The following SH3KBP1 variants were observed in gnomAD, a reference collection of about 807,000 sequenced individuals.
SH3KBP1 encodes SH3 domain-containing kinase-binding protein 1.
In SH3KBP1, 8 loss-of-function variants were observed where a neutral mutation model predicts 50.1. The ratio of observed to expected loss-of-function variants is 0.16; its 90% CI spans 0.09 to 0.29. The LOEUF (loss-of-function observed/expected upper bound fraction) is 0.29, where lower values mean the gene tolerates loss of function less well. SH3KBP1 is among the 10% of genes least tolerant of loss of function. The pLI is 1.00. For synonymous variants in SH3KBP1, 227 were observed against 218.6 expected, an observed-to-expected ratio of 1.04 and a Z score of -0.34; for missense variants, 377 against 535.2, an observed-to-expected ratio of 0.70 and a Z score of 2.92.
Position 19,864,909 on chromosome X carries a change from C to T in SH3KBP1, c.4+22398G>A, listed in dbSNP as rs1472146192. Among the ~76,000 whole-genome samples, 29 of 112,126 alleles carry T rather than the reference C, an allele frequency of 2.6e-4. 2 individuals carry two copies. In the Admixed American group the frequency reaches 2.6e-3, roughly 10 times the overall value. On this transcript the variant is annotated intron_variant, in intron 1 of 17. Coordinates refer to ENST00000397821, the MANE Select transcript of SH3KBP1 (RefSeq NM_031892.3). Reference sequence around the variant, plus strand: ...TTTCAAGTCACTTCCCCCGGAAGGCCGGCACCATGCCCCTAGCACTTATGT... The same window carrying T: ...TTTCAAGTCACTTCCCCCGGAAGGCTGGCACCATGCCCCTAGCACTTATGT...
At chrX:19,768,368 G>T (rs1169816373) in intron 2 of SH3KBP1, among the ~76,000 whole-genome samples, 1 of 104,679 alleles carries the variant, frequency 9.6e-6, no homozygotes, top group Non-Finnish European at 2.0e-5. Flanking sequence ...CAAGTTAATC[G>T]GATCATTCTA....
chrX:19,616,664 T>G (rs753531815), intron 8 of SH3KBP1, among the ~76,000 whole-genome samples: 94 of 110,925 alleles, frequency 8.5e-4, no homozygotes, highest in Middle Eastern at 4.6e-3. Context: ...CCTGAAAGAG[T>G]GTTGAGTTCT....
chrX:19,713,323 T>C (rs1225558538), intron 3 of SH3KBP1, among the ~76,000 whole-genome samples: 1 of 110,219 alleles, frequency 9.1e-6, no homozygotes, highest in Non-Finnish European at 1.9e-5. Flanking sequence ...AGTACAGTGG[T>C]GTGATCTTGG....
chrX:19,865,975 T>C (rs983408602), intron 1 of SH3KBP1, among the ~76,000 whole-genome samples: 13 of 112,019 alleles, frequency 1.2e-4, no homozygotes, highest in Non-Finnish European at 2.3e-4. Context: ...TCTAAGCAAT[T>C]ACTCCCTAGG....
chrX:19,822,934 T>A (rs1438624194), intron 2 of SH3KBP1, among the ~76,000 whole-genome samples: 4 of 112,402 alleles, frequency 3.6e-5, no homozygotes, highest in Non-Finnish European at 5.6e-5. Flanking sequence ...CTGGGTGATA[T>A]TCTGTGTTAA....
At chrX:19,692,817 G>A (rs941359313) in intron 5 of SH3KBP1, among the ~76,000 whole-genome samples, 6 of 107,201 alleles carry the variant, frequency 5.6e-5, no homozygotes, top group Non-Finnish European at 1.2e-4. Flanking sequence ...TGTGTAGCTG[G>A]GATTACAGGT....
intron 14 of SH3KBP1, among the ~76,000 whole-genome samples, chrX:19,547,557 G>A (rs1226477743): frequency 1.8e-5 from 2 of 111,854 alleles, no homozygotes; most frequent in African/African-American, 6.5e-5. Context: ...CTAGAATAAC[G>A]TTTCCCCCAC....
intron 3 of SH3KBP1, among the ~76,000 whole-genome samples, chrX:19,713,913 A>G (rs1371886811): frequency 4.5e-5 from 5 of 111,991 alleles, no homozygotes; most frequent in Non-Finnish European, 9.4e-5. Context: ...CACTATTCAC[A>G]GTAGCAAAGA....
chrX:19,641,241 A>G (rs1396515521), intron 7 of SH3KBP1, among the ~76,000 whole-genome samples: 2 of 112,271 alleles, frequency 1.8e-5, no homozygotes, highest in Admixed American at 1.9e-4. Context: ...GCCAAGGAAC[A>G]CCAGCAACCA....
At chrX:19,574,403 C>T (rs1432386060) in intron 12 of SH3KBP1, among the ~76,000 whole-genome samples, 1 of 112,490 alleles carries the variant, frequency 8.9e-6, no homozygotes, top group Admixed American at 9.4e-5. Flanking sequence ...GCCTTGTACA[C>T]GTTAGGAAAT....
At chrX:19,739,408 T>C (rs970211880) in intron 3 of SH3KBP1, among the ~76,000 whole-genome samples, 1 of 111,434 alleles carries the variant, frequency 9.0e-6, no homozygotes, top group Non-Finnish European at 1.9e-5. Flanking sequence ...TATTGCTCCT[T>C]TGAGGAAAAA....
chrX:19,652,876 C>T (rs1223885990), intron 6 of SH3KBP1, among the ~76,000 whole-genome samples: 1 of 112,260 alleles, frequency 8.9e-6, no homozygotes, highest in Non-Finnish European at 1.9e-5. Flanking sequence ...TCATATCCAA[C>T]CCATCACCAA....
intron 6 of SH3KBP1, among the ~76,000 whole-genome samples, chrX:19,682,237 T>G (rs2063070658): frequency 9.1e-6 from 1 of 110,347 alleles, no homozygotes; most frequent in South Asian, 3.8e-4. Context: ...AGATAAAAAC[T>G]TTCAAGTATT....
rs189821038 is a variant in SH3KBP1 at position 19,697,255 on chromosome X, C to T, written c.391-1514G>A. ...GTTGAGGAAAGTCTGTATTACCAAT[C>T]CAAATTAATAAATACAATGTAAAAG... is the stretch of plus-strand genomic sequence containing the variant. On this transcript the variant is annotated intron_variant, in intron 4 of 17. Transcript: ENST00000397821. Among the ~76,000 whole-genome samples the T allele has an allele frequency of 4.5e-5, 5 of 111,625 alleles. No individual in the cohort carries two copies. In the East Asian group the frequency reaches 1.4e-3, roughly 31 times the overall value.
Position 19,666,289 on chromosome X carries a change from C to A in SH3KBP1, c.726+17534G>T, listed in dbSNP as rs189472348. Among the ~76,000 whole-genome samples the A allele has an allele frequency of 9.9e-5, 11 of 111,171 alleles. 1 individual carries two copies. Among genetic ancestry groups the A allele is most frequent in the African/African-American group, 2.9e-4 (9 of 30,644 alleles). On this transcript the variant is annotated intron_variant, in intron 6 of 17. Transcript: ENST00000397821. ...ATAACAGTTGCACAAAAGATAAATTCATCTTTTTTCGAGAGAACTGTTTTA... is the reference window on the plus strand; with the variant it reads ...ATAACAGTTGCACAAAAGATAAATTAATCTTTTTTCGAGAGAACTGTTTTA...
rs1339681985 is a variant in SH3KBP1, at chrX:19,760,023, CCTCTCTCTCTCTCTCTCCCT to C, written c.163-13602_163-13583del. Among the ~76,000 whole-genome samples, 135 of 83,581 alleles carry C rather than the reference CCTCTCTCTCTCTCTCTCCCT, an allele frequency of 1.6e-3. 1 individual carries two copies. The highest frequency in any genetic ancestry group is 6.1e-3 in the African/African-American group (103 of 16,948). 72.6% of individuals were successfully genotyped at this position (83,581 alleles called of 115,157 possible). On this transcript the variant is annotated intron_variant, in intron 2 of 17. Coordinates refer to ENST00000397821, the MANE Select transcript of SH3KBP1 (RefSeq NM_031892.3). ...AATCAGTCTCGGTCTCTCTCTCTCT[CCTCTCTCTCTCTCTCTCCCT>C]CTCTCTCTCTCTCTCTCTCTCTCTC...
At chrX:19,802,833 G>A (rs755108281) in intron 2 of SH3KBP1, among the ~76,000 whole-genome samples, 34 of 111,097 alleles carry the variant, frequency 3.1e-4, no homozygotes, top group Non-Finnish European at 6.0e-4. Context: ...GCTCTCCCCC[G>A]GGGCCCAGAA....
intron 3 of SH3KBP1, among the ~76,000 whole-genome samples, chrX:19,741,007 A>T (rs953369683): frequency 8.8e-6 from 1 of 113,055 alleles, no homozygotes; most frequent in African/African-American, 3.2e-5. Context: ...TCTGACAGCT[A>T]CAGGTAGCAG....
intron 4 of SH3KBP1, among the ~76,000 whole-genome samples, chrX:19,696,490 G>GGGTA (rs762542265): frequency 2.2e-4 from 25 of 111,322 alleles, no homozygotes; most frequent in African/African-American, 8.2e-4. Context: ...AACCGAAAGG[G>GGGTA]GGTAGGTAGG....
Sources: allele counts gnomAD v4.1 joint callset (sites outside exome capture counted in the v4.1 genomes callset), GRCh38; gene constraint gnomAD v4.1.1; transcripts MANE v1.5; gene names NCBI Gene and HGNC (gene_info 2026-07-23, HGNC 2026-07-21).